The following PARD6G variants were observed in gnomAD, a reference collection of about 807,000 sequenced individuals.
PARD6G encodes the protein partitioning defective 6 homolog gamma.
In PARD6G, 7 loss-of-function variants were observed where a neutral mutation model predicts 10.7. The ratio of observed to expected loss-of-function variants is 0.66; its 90% CI spans 0.37 to 1.23. The LOEUF (loss-of-function observed/expected upper bound fraction) is 1.23, where lower values mean the gene tolerates loss of function less well. Ranked by LOEUF, PARD6G falls within the 50% of genes most tolerant of loss-of-function variation. The probability of loss-of-function intolerance (pLI) is 0.02; values close to 1 mark genes in which losing one functional copy is unlikely to be tolerated. For missense variants in PARD6G, 548 were observed against 571.8 expected (o/e 0.96, Z 0.42); for synonymous variants, 287 against 269.4 (o/e 1.07, Z -0.64).
chr18:80,223,804 G>A (rs1161902913), intron 1 of PARD6G, among the ~76,000 whole-genome samples: 1 of 152,120 alleles, frequency 6.6e-6, no homozygotes. Flanking sequence ...ATGTTCCAAG[G>A]GACCAAGGGA....
chr18:80,224,802 G>A lies in PARD6G; in HGVS notation c.73-21870C>T, dbSNP rs948216566. ...GCGGAGGTTGCAGTGAGCCGAGATC[G>A]CGCCACTGCTCTCCAGCCTGGTCGA... On this transcript the variant is annotated intron_variant, in intron 1 of 2. Coordinates refer to ENST00000353265, the MANE Select transcript of PARD6G (RefSeq NM_032510.4). 1.7e-4 allele frequency among the ~76,000 whole-genome samples: 26 copies of A among 151,914 alleles called. 2 individuals carry two copies. The highest frequency in any genetic ancestry group is 1.0e-3 in the South Asian group (5 of 4,806).
chr18:80,166,389 G>A (rs2052736423), intron 2 of PARD6G, among the ~76,000 whole-genome samples: 1 of 151,464 alleles, frequency 6.6e-6, no homozygotes, highest in Non-Finnish European at 1.5e-5. Context: ...GACACAGTCT[G>A]GGGCACGTGT....
chr18:80,226,893 A>G (rs952589225), intron 1 of PARD6G, among the ~76,000 whole-genome samples: 1 of 152,230 alleles, frequency 6.6e-6, no homozygotes, highest in Non-Finnish European at 1.5e-5. Flanking sequence ...GCGGCTTACC[A>G]CTGACTACAA....
chr18:80,176,585 G>A (rs1295223908), intron 2 of PARD6G, among the ~76,000 whole-genome samples: 3 of 152,170 alleles, frequency 2.0e-5, no homozygotes, highest in Non-Finnish European at 2.9e-5. Context: ...CCAGGGTGGG[G>A]AGAAGGGCTG....
intron 2 of PARD6G, among the ~76,000 whole-genome samples, chr18:80,185,754 AC>A (rs1706835314): frequency 7.1e-6 from 1 of 140,576 alleles, no homozygotes; most frequent in Admixed American, 7.1e-5. Flanking sequence ...ATGCTCGCAC[AC>A]CCTCACACAT....
chr18:80,223,372 T>C (rs1319002480), intron 1 of PARD6G, among the ~76,000 whole-genome samples: 1 of 152,202 alleles, frequency 6.6e-6, no homozygotes, highest in East Asian at 1.9e-4. Context: ...AGATCTCTGA[T>C]AAGGGACTTG....
At position 80,186,558 on chromosome 18, in the gene PARD6G, GCA is replaced by G. The variant is rs762326915; in HGVS notation, c.295+16150_295+16151del. ...CACACGCGCACACCCTCACACACAT[GCA>G]CACACAGCCCTTGCACACCCCCCCA... is the stretch of plus-strand genomic sequence containing the variant. On this transcript the variant is annotated intron_variant, in intron 2 of 2. Transcript: ENST00000353265. Among the ~76,000 whole-genome samples, 18 of 151,466 alleles carry G rather than the reference GCA, an allele frequency of 1.2e-4. No individual in the cohort carries two copies. In the East Asian group the frequency reaches 2.3e-3, roughly 20 times the overall value.
At chr18:80,236,350 C>T (rs367564910) in intron 1 of PARD6G, among the ~76,000 whole-genome samples, 2 of 152,176 alleles carry the variant, frequency 1.3e-5, no homozygotes, top group African/African-American at 4.8e-5. Context: ...TGGGACGTAT[C>T]TCAAAATAAT....
At chr18:80,195,548 C>CATACATATATATATATATAT (rs767700720) in intron 2 of PARD6G, among the ~76,000 whole-genome samples, 4 of 82,212 alleles carry the variant, frequency 4.9e-5, no homozygotes, top group Non-Finnish European at 4.9e-5. Context: ...TTCAAAGATA[C>CATACATATATATATATATAT]ATATATATAT....
At chr18:80,162,918 C>T (rs1203622919) in intron 2 of PARD6G, among the ~76,000 whole-genome samples, 1 of 152,156 alleles carries the variant, frequency 6.6e-6, no homozygotes, top group Non-Finnish European at 1.5e-5. Context: ...GGGCCTGGGA[C>T]AGAGTGGGCT....
chr18:80,210,099 C>G (rs957776792), intron 1 of PARD6G, among the ~76,000 whole-genome samples: 1 of 152,144 alleles, frequency 6.6e-6, no homozygotes, highest in African/African-American at 2.4e-5. Context: ...TTCCATACAG[C>G]TCTTGGTCAA....
chr18:80,232,479 G>GC (rs1967368927), intron 1 of PARD6G, among the ~76,000 whole-genome samples: 1 of 152,068 alleles, frequency 6.6e-6, no homozygotes, highest in Non-Finnish European at 1.5e-5. Flanking sequence ...GAGGTGAAAG[G>GC]CACTTCTTAC....
rs1483570613 is a variant in PARD6G at position 80,161,493 on chromosome 18, G to C, written c.296-887C>G. ...ATCAAGCAGAAACGTAAGGAGCTTA[G>C]TCTAAAGTAAAAATTTTAAGTGAAG... On this transcript the variant is annotated intron_variant, in intron 2 of 2. Transcript: ENST00000353265. The surrounding 1 kb of genome is among the most constrained non-coding windows in gnomAD (Gnocchi z 4.6). Among the ~76,000 whole-genome samples, 1 of 152,142 alleles carries C rather than the reference G, an allele frequency of 6.6e-6. No homozygotes were observed. Among genetic ancestry groups the C allele is most frequent in the Non-Finnish European group, 1.5e-5 (1 of 68,032 alleles).
At chr18:80,220,429 ATTAAG>A (rs1260674993) in intron 1 of PARD6G, among the ~76,000 whole-genome samples, 1 of 152,214 alleles carries the variant, frequency 6.6e-6, no homozygotes, top group South Asian at 2.1e-4. Context: ...ATCTTGGATC[ATTAAG>A]TTAAAAGGGA....
At chr18:80,203,380 G>A (rs2145281339) in intron 1 of PARD6G, among the ~76,000 whole-genome samples, 1 of 152,202 alleles carries the variant, frequency 6.6e-6, no homozygotes, top group Admixed American at 6.5e-5. Context: ...TATAATACAG[G>A]AAGAGGGACC....
At chr18:80,238,042 G>GCA (rs1967444560) in intron 1 of PARD6G, among the ~76,000 whole-genome samples, 1 of 152,138 alleles carries the variant, frequency 6.6e-6, no homozygotes, top group Non-Finnish European at 1.5e-5. Flanking sequence ...AAAGACACAT[G>GCA]CACACGTATG....
At chr18:80,176,803 A>G (rs2052810374) in intron 2 of PARD6G, among the ~76,000 whole-genome samples, 1 of 152,182 alleles carries the variant, frequency 6.6e-6, no homozygotes. Flanking sequence ...CAGGCAAAAC[A>G]TGATCTATGT....
At chr18:80,235,727 C>G (rs1302769480) in intron 1 of PARD6G, among the ~76,000 whole-genome samples, 1 of 152,162 alleles carries the variant, frequency 6.6e-6, no homozygotes, top group African/African-American at 2.4e-5. Context: ...CTATAAACAC[C>G]TCTACACAAA....
chr18:80,241,073 A>G (rs907949009), intron 1 of PARD6G, among the ~76,000 whole-genome samples: 1 of 152,204 alleles, frequency 6.6e-6, no homozygotes, highest in Non-Finnish European at 1.5e-5. Context: ...ATGCAAGAAA[A>G]ATAGAACTTC....
Sources: allele counts gnomAD v4.1 joint callset (sites outside exome capture counted in the v4.1 genomes callset), GRCh38; gene constraint gnomAD v4.1.1; non-coding constraint Gnocchi (gnomAD v3.1); transcripts MANE v1.5; gene names NCBI Gene and HGNC (gene_info 2026-07-23, HGNC 2026-07-21).